The following GRID2 variants were observed in gnomAD, a reference collection of about 807,000 sequenced individuals.
GRID2 encodes glutamate receptor ionotropic, delta-2.
In GRID2, 33 loss-of-function variants were observed where a neutral mutation model predicts 114.8. The observed-to-expected ratio is 0.29, with a 90% confidence interval of 0.22 to 0.38. The LOEUF is 0.38. GRID2 is among the 10% of genes least tolerant of loss of function. The probability of loss-of-function intolerance (pLI) is 1.00; values close to 1 mark genes in which losing one functional copy is unlikely to be tolerated. For missense variants in GRID2, 1,184 were observed against 1,257.7 expected, an observed-to-expected ratio of 0.94 and a Z score of 0.89; for synonymous variants, 505 against 449.9, an observed-to-expected ratio of 1.12 and a Z score of -1.55.
At chr4:93,315,224 A>G (rs1054829973) in intron 8 of GRID2, among the ~76,000 whole-genome samples, 1 of 152,050 alleles carries the variant, frequency 6.6e-6, no homozygotes, top group Admixed American at 6.6e-5. Context: ...CCATAATCCA[A>G]TCACTTTTCT....
chr4:93,683,691 C>T (rs554699292), intron 14 of GRID2, among the ~76,000 whole-genome samples: 2 of 152,174 alleles, frequency 1.3e-5, no homozygotes, highest in South Asian at 2.1e-4. Flanking sequence ...CAGTTCTCTT[C>T]ATTAAATATG....
intron 14 of GRID2, among the ~76,000 whole-genome samples, chr4:93,680,149 C>G (rs978906538): frequency 2.0e-5 from 3 of 152,038 alleles, no homozygotes; most frequent in Non-Finnish European, 4.4e-5. Context: ...ACTATAAACA[C>G]CTCTACACGA....
chr4:92,457,715 CT>C (rs67465951), intron 1 of GRID2, among the ~76,000 whole-genome samples: 26,465 of 151,836 alleles, frequency 0.17, 3,128 homozygotes, highest in African/African-American at 0.34. Context: ...CAGCTGAGAC[CT>C]TTTTTTTAAA....
intron 9 of GRID2, among the ~76,000 whole-genome samples, chr4:93,415,687 A>G (rs1027448551): frequency 6.6e-6 from 1 of 152,024 alleles, no homozygotes; most frequent in African/African-American, 2.4e-5. Flanking sequence ...CTCTCCACTT[A>G]GCCTTTAAGT....
chr4:92,462,299 T>C (rs889913636), intron 1 of GRID2, among the ~76,000 whole-genome samples: 1 of 152,062 alleles, frequency 6.6e-6, no homozygotes, highest in East Asian at 1.9e-4. Context: ...TAACCTTTAA[T>C]TGTATGCTAC....
chr4:92,723,527 T>G (rs1735911391), intron 2 of GRID2, among the ~76,000 whole-genome samples: 1 of 152,154 alleles, frequency 6.6e-6, no homozygotes, highest in African/African-American at 2.4e-5. Context: ...GACAGAAATA[T>G]GTCTTTTTTC....
intron 2 of GRID2, among the ~76,000 whole-genome samples, chr4:93,079,785 G>A (rs1363461707): frequency 1.3e-5 from 2 of 151,990 alleles, no homozygotes; most frequent in Non-Finnish European, 2.9e-5. Context: ...TATAATTAAA[G>A]GTTCACGTTG....
At chr4:93,330,543 A>G (rs1216830114) in intron 8 of GRID2, among the ~76,000 whole-genome samples, 4 of 152,182 alleles carry the variant, frequency 2.6e-5, no homozygotes, top group Admixed American at 2.6e-4. Context: ...ATTAATTTTT[A>G]AAGTAATGCC....
chr4:93,496,210 T>C (rs1727529904), intron 12 of GRID2, among the ~76,000 whole-genome samples: 1 of 151,588 alleles, frequency 6.6e-6, no homozygotes, highest in African/African-American at 2.4e-5. Context: ...TAAACTGTCA[T>C]GGGGCAGTAA....
chr4:93,493,054 C>T (rs1169269633), intron 12 of GRID2, among the ~76,000 whole-genome samples: 2 of 151,786 alleles, frequency 1.3e-5, no homozygotes, highest in Non-Finnish European at 2.9e-5. Context: ...CAAGTTCATC[C>T]ATGTTGTTGC....
At chr4:92,334,479 A>G (rs1405887089) in intron 1 of GRID2, among the ~76,000 whole-genome samples, 1 of 152,112 alleles carries the variant, frequency 6.6e-6, no homozygotes, top group Non-Finnish European at 1.5e-5. Flanking sequence ...GATGCTCAAG[A>G]GCATGGTGGT....
chr4:92,630,600 G>A (rs975334556), intron 2 of GRID2, among the ~76,000 whole-genome samples: 4 of 152,026 alleles, frequency 2.6e-5, no homozygotes, highest in Non-Finnish European at 5.9e-5. Context: ...ACTGTAATCA[G>A]CCTTTTTCTT....
chr4:92,725,966 A>G (rs543612494), intron 2 of GRID2, among the ~76,000 whole-genome samples: 74 of 152,218 alleles, frequency 4.9e-4, no homozygotes, highest in African/African-American at 1.7e-3. Context: ...AAACTCTAAA[A>G]CATGGAAAAA....
At chr4:93,631,461 C>A (rs968806613) in intron 14 of GRID2, among the ~76,000 whole-genome samples, 3 of 152,044 alleles carry the variant, frequency 2.0e-5, no homozygotes, top group Non-Finnish European at 2.9e-5. Flanking sequence ...TGAGAACATG[C>A]GGTGTTTGGT....
chr4:92,488,457 G>A (rs1181875493), intron 1 of GRID2, among the ~76,000 whole-genome samples: 1 of 152,104 alleles, frequency 6.6e-6, no homozygotes, highest in Non-Finnish European at 1.5e-5. Context: ...GATTTGGGGT[G>A]CTGGCATGAA....
chr4:93,535,252 A>ACACG (rs1213385672), intron 13 of GRID2, among the ~76,000 whole-genome samples: 1 of 151,408 alleles, frequency 6.6e-6, no homozygotes, highest in Non-Finnish European at 1.5e-5. Flanking sequence ...ACACACACAC[A>ACACG]CACACACACA....
intron 3 of GRID2, among the ~76,000 whole-genome samples, chr4:93,109,337 A>G (rs1230240415): frequency 6.6e-6 from 1 of 152,224 alleles, no homozygotes; most frequent in African/African-American, 2.4e-5. Flanking sequence ...AAAGATTTTT[A>G]AAGTCATCAG....
At chr4:93,413,767 T>C (rs574660153) in intron 9 of GRID2, among the ~76,000 whole-genome samples, 1 of 152,174 alleles carries the variant, frequency 6.6e-6, no homozygotes, top group Non-Finnish European at 1.5e-5. Context: ...ATATTTCTCT[T>C]CTAAATAATT....
intron 2 of GRID2, among the ~76,000 whole-genome samples, chr4:92,950,474 G>A (rs892651771): frequency 1.3e-5 from 2 of 152,146 alleles, no homozygotes; most frequent in African/African-American, 4.8e-5. Context: ...AGACATATAC[G>A]TGATTTTTTT....
Sources: gnomAD v4.1 joint callset for allele counts (sites outside exome capture counted in the v4.1 genomes callset) on GRCh38, gnomAD v4.1.1 for gene constraint, MANE v1.5 for transcripts, NCBI Gene and HGNC (gene_info 2026-07-23, HGNC 2026-07-21) for gene names.